Variants in EP300 observed in about 807,000 individuals in gnomAD.
EP300 encodes the protein histone acetyltransferase p300.
Under a neutral mutation model 264.0 loss-of-function variants are expected in EP300, and 31 were observed. The ratio of observed to expected loss-of-function variants is 0.12; its 90% CI spans 0.09 to 0.16. The LOEUF (loss-of-function observed/expected upper bound fraction) is 0.16. Ranked by LOEUF, EP300 falls within the 10% of genes least tolerant of loss-of-function variation. The pLI, the probability that EP300 is intolerant of heterozygous loss-of-function variation, is 1.00. For synonymous variants in EP300, 1,340 were observed against 1,045.4 expected, an observed-to-expected ratio of 1.28 and a Z score of -5.44; for missense variants, 2,766 against 3,052.9, an observed-to-expected ratio of 0.91 and a Z score of 2.21.
At chr22:41,117,860 A>C in intron 2 of EP300, 39 bp downstream of exon 2, 1 of 1,612,392 alleles carries the variant, frequency 6.2e-7, no homozygotes, top group Non-Finnish European at 8.5e-7. Context: ...ATCGGCATGC[A>C]TGTGAGTATT....
chr22:41,148,538 T>C (rs2059025322), intron 12 of EP300, among the ~76,000 whole-genome samples: 2 of 152,236 alleles, frequency 1.3e-5, no homozygotes, highest in African/African-American at 4.8e-5. Context: ...AAGGCCTGAA[T>C]TTGTGTAGGG....
chr22:41,120,151 A>AT (rs763373536), intron 2 of EP300, among the ~76,000 whole-genome samples: 1 of 152,236 alleles, frequency 6.6e-6, no homozygotes, highest in Non-Finnish European at 1.5e-5. Context: ...TAGAGTACTT[A>AT]TATCAGTGTT....
chr22:41,125,233 C>T (rs902943691), intron 2 of EP300, among the ~76,000 whole-genome samples: 8 of 151,100 alleles, frequency 5.3e-5, no homozygotes, highest in Non-Finnish European at 1.2e-4. Flanking sequence ...ATTCTCCTGC[C>T]TCAGCCTCCC....
chr22:41,109,729 G>A (rs1414245560), intron 1 of EP300, among the ~76,000 whole-genome samples: 1 of 151,572 alleles, frequency 6.6e-6, no homozygotes, highest in African/African-American at 2.4e-5. Context: ...TTTTGGCAGG[G>A]GGAGGAGGAC....
At chr22:41,101,556 C>G (rs1265261369) in intron 1 of EP300, among the ~76,000 whole-genome samples, 1 of 151,858 alleles carries the variant, frequency 6.6e-6, no homozygotes, top group African/African-American at 2.4e-5. Flanking sequence ...GGACTACAGG[C>G]ACCCGCCACC....
chr22:41,148,087 C>CT, intron 12 of EP300, 141 bp downstream of exon 12: 1 of 695,764 alleles, frequency 1.4e-6, no homozygotes, highest in Non-Finnish European at 2.3e-6. Context: ...GTATTTAACT[C>CT]TACTAGAAAG....
Position 41,179,168 on chromosome 22 carries a change from C to A in EP300, c.*212C>A. ...TACAAAGAATATATTTTTGTTATGGCTGGTTACCACCAGCCTTTCTTCCCC... is the reference window on the plus strand; with the variant it reads ...TACAAAGAATATATTTTTGTTATGGATGGTTACCACCAGCCTTTCTTCCCC... On this transcript the variant is annotated 3_prime_UTR_variant, in exon 31 of 31. Coordinates refer to ENST00000263253, the MANE Select transcript of EP300 (RefSeq NM_001429.4). The A allele has an allele frequency of 1.6e-6, 1 of 606,556 alleles. No homozygotes were observed. Among genetic ancestry groups the A allele is most frequent in the Non-Finnish European group, 2.8e-6 (1 of 350,960 alleles). 37.6% of individuals were successfully genotyped at this position (606,556 alleles called of 1,614,324 possible). A position where few individuals can be genotyped will look rare whatever the true frequency, so the allele number is the denominator to read the frequency against.
At chr22:41,121,774 AAC>A (rs1292507074) in intron 2 of EP300, among the ~76,000 whole-genome samples, 1 of 152,252 alleles carries the variant, frequency 6.6e-6, no homozygotes, top group African/African-American at 2.4e-5. Context: ...AAGAGACAAC[AAC>A]ACAGCTTAGA....
At chr22:41,102,643 G>A (rs1287860648) in intron 1 of EP300, among the ~76,000 whole-genome samples, 2 of 152,140 alleles carry the variant, frequency 1.3e-5, no homozygotes, top group Non-Finnish European at 2.9e-5. Context: ...GGGAAGAACA[G>A]GGAAAAACAG....
intron 22 of EP300, 45 bp from the exon 23 acceptor site, chr22:41,166,554 A>G (rs752724349): frequency 1.3e-5 from 19 of 1,486,684 alleles, no homozygotes; most frequent in African/African-American, 2.8e-5. Context: ...TATAAATTCA[A>G]CGGTTTATCT....
At position 41,132,537 on chromosome 22, in the gene EP300, T is replaced by C. The variant is rs1324349839; in HGVS notation, c.1528+904T>C. Among the ~76,000 whole-genome samples the C allele has an allele frequency of 5.3e-5, 8 of 152,226 alleles. No homozygotes were observed. In the East Asian group the frequency reaches 1.6e-3, roughly 30 times the overall value. On this transcript the variant is annotated intron_variant, in intron 6 of 30. Transcript: ENST00000263253. ...CTCTTGACCTCGTGATCCACCCACC[T>C]GGGCCTCCCAAAATGCTGGGATTAC... is the stretch of plus-strand genomic sequence containing the variant.
chr22:41,133,807 G>C (rs2058934230), intron 6 of EP300, among the ~76,000 whole-genome samples: 1 of 152,062 alleles, frequency 6.6e-6, no homozygotes, highest in African/African-American at 2.4e-5. Flanking sequence ...CCAGTGATCT[G>C]CTTTTAAGCA....
chr22:41,155,156 T>C (rs2059069921), intron 17 of EP300, 43 bp downstream of exon 17: 6 of 1,315,382 alleles, frequency 4.6e-6, no homozygotes, highest in Non-Finnish European at 6.6e-6. Flanking sequence ...TTTAATTTGA[T>C]AACAGCTTTA....
Position 41,131,372 on chromosome 22 carries a change from CT to C in EP300, c.1283-12del, listed in dbSNP as rs757316417. ...CCAGCATTAATTTGTAATACTATAT[CT>C]TTTGTCTTCTCTAGCAATTTTGACT... On this transcript the variant is annotated splice_polypyrimidine_tract_variant and intron_variant, in intron 5 of 30. Coordinates refer to ENST00000263253, the MANE Select transcript of EP300 (RefSeq NM_001429.4). The C allele has an allele frequency of 1.2e-5, 20 of 1,612,742 alleles. No individual in the cohort carries two copies. In the East Asian group the frequency reaches 4.2e-4, roughly 34 times the overall value.
At chr22:41,102,691 C>G (rs757065297) in intron 1 of EP300, among the ~76,000 whole-genome samples, 1 of 151,992 alleles carries the variant, frequency 6.6e-6, no homozygotes, top group Non-Finnish European at 1.5e-5. Flanking sequence ...TTTTAGGGTT[C>G]CAGCCACCCT....
intron 5 of EP300, among the ~76,000 whole-genome samples, chr22:41,130,246 G>C (rs114054198): frequency 0.01 from 1,467 of 141,950 alleles, 29 homozygotes; most frequent in African/African-American, 0.036. Flanking sequence ...GTGAGAACCT[G>C]CCTCAATTAA....
At chr22:41,170,620 ACTAATGT>A in intron 27 of EP300, 49 bp downstream of exon 27, 1 of 1,488,330 alleles carries the variant, frequency 6.7e-7, no homozygotes, top group Non-Finnish European at 9.4e-7. Context: ...CTGGAAATGC[ACTAATGT>A]TGCTGCTCTT....
At chr22:41,105,339 A>G (rs1373640604) in intron 1 of EP300, among the ~76,000 whole-genome samples, 1 of 144,188 alleles carries the variant, frequency 6.9e-6, no homozygotes, top group Non-Finnish European at 1.5e-5. Flanking sequence ...GGGCCACGAG[A>G]GTGAAACTGC....
intron 22 of EP300, among the ~76,000 whole-genome samples, chr22:41,165,678 C>T (rs147085600): frequency 0.014 from 2,190 of 152,304 alleles, 46 homozygotes; most frequent in African/African-American, 0.051. Flanking sequence ...CCACCTCGGC[C>T]TCCCGAAGTG....
Sources: allele counts gnomAD v4.1 joint callset (sites outside exome capture counted in the v4.1 genomes callset), GRCh38; gene constraint gnomAD v4.1.1; transcripts MANE v1.5; gene names NCBI Gene and HGNC (gene_info 2026-07-23, HGNC 2026-07-21).